FNIP2: variants seen among roughly 807,000 people sequenced by gnomAD.
The protein encoded by FNIP2 is folliculin interacting protein 2.
FNIP2 carries 32 observed loss-of-function variants against 108.7 expected under a neutral mutation model. That is an observed-to-expected ratio of 0.29 (90% confidence interval 0.22 to 0.40). The LOEUF (loss-of-function observed/expected upper bound fraction) is 0.40, where lower values mean the gene tolerates loss of function less well. FNIP2 is among the 10% of genes least tolerant of loss of function. The pLI is 1.00. For synonymous variants in FNIP2, 480 were observed against 496.7 expected, an observed-to-expected ratio of 0.97 and a Z score of 0.45; for missense variants, 1,202 against 1,381.6, an observed-to-expected ratio of 0.87 and a Z score of 2.06.
chr4:158,842,540 C>T (rs559186227), intron 7 of FNIP2, among the ~76,000 whole-genome samples: 2 of 152,140 alleles, frequency 1.3e-5, no homozygotes, highest in African/African-American at 4.8e-5. Context: ...ATAAAAGACA[C>T]AGTACACTAG....
chr4:158,843,537 A>G (rs1245938153), intron 7 of FNIP2, among the ~76,000 whole-genome samples: 1 of 152,242 alleles, frequency 6.6e-6, no homozygotes, highest in African/African-American at 2.4e-5. Context: ...CAGATAATAG[A>G]CAATAAAATG....
chr4:158,769,330 G>T lies in FNIP2; in HGVS notation c.107+11G>T. 1.4e-6 allele frequency: 2 copies of T among 1,474,790 alleles called. No individual in the cohort carries two copies. Among genetic ancestry groups the T allele is most frequent in the Middle Eastern group, 2.0e-4 (1 of 5,034 alleles). The allele number at this position is 1,474,790 out of a possible 1,614,324, so 91.4% of individuals were successfully genotyped here. A position where few individuals can be genotyped will look rare whatever the true frequency, so the allele number is the denominator to read the frequency against. ...AGGACCCGCCTTTAGGTGAGGGGGC[G>T]CCGGGGGGCAATTCTGGCGCGGGAC... On this transcript the variant is annotated intron_variant, in intron 1 of 16. Transcript: ENST00000264433.
chr4:158,872,741 T>TG (rs1264919186), intron 14 of FNIP2: 1 of 981,984 alleles, frequency 1.0e-6, no homozygotes, highest in African/African-American at 1.8e-5. Context: ...AGTGTTTTTT[T>TG]TTTTTTTTTT....
intron 6 of FNIP2, chr4:158,834,295 T>TCTCTCTCTCTCC (rs1778658508): frequency 7.1e-6 from 1 of 140,616 alleles, no homozygotes; most frequent in East Asian, 2.0e-4. Context: ...GACTTCTCTC[T>TCTCTCTCTCTCC]CTCTCTCTCT....
intron 7 of FNIP2, among the ~76,000 whole-genome samples, chr4:158,841,667 T>C (rs1187673505): frequency 1.3e-5 from 2 of 152,204 alleles, no homozygotes; most frequent in Non-Finnish European, 2.9e-5. Flanking sequence ...CTTGATCCTC[T>C]TGGAACACTT....
At chr4:158,791,266 C>CTTTTT (rs199714823) in intron 1 of FNIP2, among the ~76,000 whole-genome samples, 12 of 98,082 alleles carry the variant, frequency 1.2e-4, no homozygotes, top group Non-Finnish European at 1.7e-4. Context: ...ACTGAGGATC[C>CTTTTT]TTTTTTTTTT....
chr4:158,772,567 G>A (rs1269593012), intron 1 of FNIP2, among the ~76,000 whole-genome samples: 1 of 152,244 alleles, frequency 6.6e-6, no homozygotes, highest in Non-Finnish European at 1.5e-5. Flanking sequence ...AAGAACAAGT[G>A]AAGGCATTGC....
chr4:158,777,197 T>C (rs1775890315), intron 1 of FNIP2, among the ~76,000 whole-genome samples: 1 of 152,202 alleles, frequency 6.6e-6, no homozygotes, highest in Admixed American at 6.5e-5. Context: ...GTAGAACTCT[T>C]CTCTATATAC....
intron 8 of FNIP2, among the ~76,000 whole-genome samples, chr4:158,856,812 AAAGTACTGATG>A (rs1780011521): frequency 6.6e-6 from 1 of 152,254 alleles, no homozygotes; most frequent in Admixed American, 6.5e-5. Context: ...ACATGGAGAT[AAAGTACTGATG>A]AAGTACTGGG....
intron 1 of FNIP2, among the ~76,000 whole-genome samples, chr4:158,776,783 A>G (rs1045984667): frequency 6.6e-6 from 1 of 152,216 alleles, no homozygotes; most frequent in African/African-American, 2.4e-5. Context: ...CGTTTAATAA[A>G]TACCTGTTGA....
chr4:158,843,236 A>T (rs986655942), intron 7 of FNIP2, among the ~76,000 whole-genome samples: 1 of 152,212 alleles, frequency 6.6e-6, no homozygotes, highest in Non-Finnish European at 1.5e-5. Context: ...AAGACAGGGG[A>T]AAAAAGAAAA....
At chr4:158,853,742 GT>G (rs953000346) in intron 8 of FNIP2, among the ~76,000 whole-genome samples, 9 of 152,168 alleles carry the variant, frequency 5.9e-5, no homozygotes, top group Admixed American at 5.2e-4. Context: ...TTGTTAAACA[GT>G]TTTTTAAAAG....
chr4:158,835,531 G>C, intron 7 of FNIP2, 55 bp downstream of exon 7: 1 of 1,522,694 alleles, frequency 6.6e-7, no homozygotes, highest in Admixed American at 1.7e-5. Context: ...CTACAGTGGT[G>C]TGGAAGGTGG....
intron 14 of FNIP2, among the ~76,000 whole-genome samples, chr4:158,874,506 T>G (rs376540136): frequency 4.4e-5 from 1 of 22,860 alleles, no homozygotes; most frequent in Non-Finnish European, 9.3e-5. Flanking sequence ...AAAAAAAAAA[T>G]AGCTAGGCAT....
In FNIP2 at chr4:158,868,527, G is replaced by T; in HGVS notation, c.1891G>T (p.Ala631Ser). ...RPEQGSEACSAGCLGPASDAS... is the reference protein window; with the variant it reads ...RPEQGSEACSSGCLGPASDAS... The stretch of plus-strand genomic sequence containing the variant: ...AGAGCAGGGTTCTGAGGCTTGCAGC[G>T]CAGGGTGCCTGGGGCCAGCATCAGA... Residue 631 changes from alanine (A) to serine (S), a missense_variant, in exon 13 of 17, where the codon GCA (alanine) becomes TCA (serine). This residue lies in a region of FNIP2 where 878 missense variants were observed against 990.3 expected (regional missense o/e 0.89). Transcript: ENST00000264433. The surrounding 1 kb of genome is among the most constrained non-coding windows in gnomAD (Gnocchi z 4.6). 2 of 1,613,846 alleles carry T rather than the reference G, an allele frequency of 1.2e-6. No individual in the cohort carries two copies. Among genetic ancestry groups the T allele is most frequent in the South Asian group, 1.1e-5 (1 of 91,068 alleles).
At chr4:158,849,008 C>G (rs1364362024) in intron 7 of FNIP2, among the ~76,000 whole-genome samples, 1 of 152,102 alleles carries the variant, frequency 6.6e-6, no homozygotes, top group Admixed American at 6.5e-5. Flanking sequence ...GGAAAACCCA[C>G]CTAGCAAGGG....
At chr4:158,853,311 G>A (rs1779800682) in intron 8 of FNIP2, among the ~76,000 whole-genome samples, 2 of 152,258 alleles carry the variant, frequency 1.3e-5, no homozygotes, top group South Asian at 2.1e-4. Context: ...TTTTTACTTG[G>A]AGAAGGATCT....
chr4:158,808,440 A>G (rs1408155301), intron 1 of FNIP2: 1 of 151,182 alleles, frequency 6.6e-6, no homozygotes, highest in Non-Finnish European at 1.5e-5. Context: ...TTTTTTTTTT[A>G]GAACTTTGTA....
chr4:158,782,890 C>T (rs1776101550), intron 1 of FNIP2, among the ~76,000 whole-genome samples: 1 of 152,206 alleles, frequency 6.6e-6, no homozygotes, highest in African/African-American at 2.4e-5. Context: ...CGCACAACCT[C>T]TGCTTGCTCC....
Sources: gnomAD v4.1 joint callset for allele counts (sites outside exome capture counted in the v4.1 genomes callset) on GRCh38, gnomAD v4.1.1 for gene constraint, gnomAD v4.1.1 regional missense constraint, Gnocchi (gnomAD v3.1) non-coding constraint, MANE v1.5 for transcripts, NCBI Gene and HGNC (gene_info 2026-07-23, HGNC 2026-07-21) for gene names.